Variants in SNX31 observed in about 807,000 individuals in gnomAD.
SNX31 encodes sorting nexin-31.
In SNX31, 58 loss-of-function variants were observed where a neutral mutation model predicts 65.4. That is an observed-to-expected ratio of 0.89 (90% CI 0.72 to 1.10). The LOEUF (loss-of-function observed/expected upper bound fraction) is 1.10, where lower values mean the gene tolerates loss of function less well. SNX31 is among the 50% of genes least tolerant of loss of function. SNX31 has a pLI of 0.00. For synonymous variants in SNX31, 181 were observed against 190.1 expected, an observed-to-expected ratio of 0.95 and a Z score of 0.39; for missense variants, 523 against 529.7, an observed-to-expected ratio of 0.99 and a Z score of 0.12.
At chr8:100,596,005 T>A (rs1352691832) in intron 10 of SNX31, among the ~76,000 whole-genome samples, 3 of 152,192 alleles carry the variant, frequency 2.0e-5, no homozygotes, top group Non-Finnish European at 2.9e-5. Context: ...AGGTCAAGTA[T>A]GAGCCCAGCT....
chr8:100,658,500 A>G (rs1809708458), intron 1 of SNX31, among the ~76,000 whole-genome samples: 1 of 152,248 alleles, frequency 6.6e-6, no homozygotes, highest in Non-Finnish European at 1.5e-5. Context: ...GTTTACATGT[A>G]GTGGGTACTT....
At chr8:100,606,571 T>C (rs966431085) in intron 8 of SNX31, among the ~76,000 whole-genome samples, 12 of 152,166 alleles carry the variant, frequency 7.9e-5, no homozygotes, top group Admixed American at 6.5e-4. Flanking sequence ...AATCCACCCA[T>C]TGACCTTTTT....
In SNX31 at chr8:100,613,293, TA is replaced by T. The variant is rs1414016173; in HGVS notation, c.433-209del. Among the ~76,000 whole-genome samples, 1 of 151,978 alleles carries T rather than the reference TA, an allele frequency of 6.6e-6. No homozygotes were observed. The highest frequency in any genetic ancestry group is 1.5e-5 in the Non-Finnish European group (1 of 67,966). On this transcript the variant is annotated intron_variant, in intron 5 of 13. Coordinates refer to ENST00000311812, the MANE Select transcript of SNX31 (RefSeq NM_152628.4). This position sits in a 1 kb window ranked among gnomAD's most constrained non-coding sequence, Gnocchi z 5.2. ...CACAAAAAAATTAGAATAAAGAAAA[TA>T]AAAATCAGCCCCACCACAATGGACA...
At chr8:100,641,565 A>AAAAAAAAAAAATATATAT (rs1554587369) in intron 2 of SNX31, among the ~76,000 whole-genome samples, 1 of 32,108 alleles carries the variant, frequency 3.1e-5, no homozygotes, top group Non-Finnish European at 5.3e-5. Flanking sequence ...AAAAAAAAAA[A>AAAAAAAAAAAATATATAT]ATATATATAT....
In SNX31 at chr8:100,655,211, A is replaced by T. The variant is rs12545565; in HGVS notation, c.-58+7931T>A. Reference sequence around the variant, plus strand: ...AGCAGGCATGAAGGGAGGAGCAGGGAGGGAAAGGCTTTCTGGAGAAGGTGA... The same window carrying T: ...AGCAGGCATGAAGGGAGGAGCAGGGTGGGAAAGGCTTTCTGGAGAAGGTGA... On this transcript the variant is annotated intron_variant, in intron 1 of 5. Transcript: ENST00000520352. Among the ~76,000 whole-genome samples, 6 of 152,100 alleles carry T rather than the reference A, an allele frequency of 3.9e-5. No homozygotes were observed. The South Asian group carries it at 1.2e-3, about 32-fold the overall frequency.
At chr8:100,642,020 A>G (rs922506335) in intron 2 of SNX31, among the ~76,000 whole-genome samples, 3 of 152,108 alleles carry the variant, frequency 2.0e-5, no homozygotes, top group African/African-American at 7.2e-5. Flanking sequence ...CGGAGCTTGC[A>G]GTGAGCCGAG....
At chr8:100,650,472 G>C (rs1009248820), upstream of SNX31, among the ~76,000 whole-genome samples, 1 of 152,138 alleles carries the variant, frequency 6.6e-6, no homozygotes, top group Non-Finnish European at 1.5e-5. Flanking sequence ...GGTCTGAGTC[G>C]TTTACTGCAG....
In SNX31 at chr8:100,624,735, TG is replaced by T. The variant is rs1171295776; in HGVS notation, c.321+5591del. On this transcript the variant is annotated intron_variant, in intron 4 of 13. Transcript: ENST00000311812. ...ATGTAAACGCAATACAAAAACCAGCTGGGGGGAAAAGTCAACCTGGTAGAAT... is the reference window on the plus strand; with the variant it reads ...ATGTAAACGCAATACAAAAACCAGCTGGGGGAAAAGTCAACCTGGTAGAAT... Among the ~76,000 whole-genome samples the T allele has an allele frequency of 3.3e-5, 5 of 152,148 alleles. No homozygotes were observed. The South Asian group carries it at 8.3e-4, about 25-fold the overall frequency.
chr8:100,616,376 C>A (rs1817203389), intron 5 of SNX31, among the ~76,000 whole-genome samples: 1 of 152,188 alleles, frequency 6.6e-6, no homozygotes, highest in Non-Finnish European at 1.5e-5. Flanking sequence ...TCTGATCCTG[C>A]AGCTGTACCC....
intron 12 of SNX31, among the ~76,000 whole-genome samples, chr8:100,580,992 T>G (rs1221230703): frequency 6.6e-6 from 1 of 151,956 alleles, no homozygotes; most frequent in African/African-American, 2.4e-5. Context: ...TCTTCCAGTT[T>G]ATGGTTAATA....
rs1228914749 is a variant in SNX31, at chr8:100,594,147, A to G, written c.978+2492T>C. On this transcript the variant is annotated intron_variant, in intron 10 of 13. Transcript: ENST00000311812. The surrounding 1 kb of genome is among the most constrained non-coding windows in gnomAD (Gnocchi z 4.0). ...GTGAAACCTCATCTCTACTAAAAATACAAAAAATTAGCCCTGCCTGGTGGT... is the reference window on the plus strand; with the variant it reads ...GTGAAACCTCATCTCTACTAAAAATGCAAAAAATTAGCCCTGCCTGGTGGT... 6.6e-6 allele frequency among the ~76,000 whole-genome samples: 1 copy of G among 152,104 alleles called. No individual in the cohort carries two copies. The highest frequency in any genetic ancestry group is 2.4e-5 in the African/African-American group (1 of 41,426).
chr8:100,653,529 T>C (rs1820008674), upstream of SNX31, among the ~76,000 whole-genome samples: 1 of 151,868 alleles, frequency 6.6e-6, no homozygotes, highest in Non-Finnish European at 1.5e-5. Context: ...AGAGCTGGAG[T>C]TGTGCTTCCA....
intron 2 of SNX31, among the ~76,000 whole-genome samples, chr8:100,644,646 C>T (rs1819504238): frequency 6.6e-6 from 1 of 152,118 alleles, no homozygotes; most frequent in South Asian, 2.1e-4. Context: ...CCACCTCTTC[C>T]CAAGGTCCAG....
intron 12 of SNX31, 57 bp from the exon 13 acceptor site, chr8:100,577,132 A>G: frequency 6.9e-7 from 1 of 1,438,966 alleles, no homozygotes; most frequent in Non-Finnish European, 9.7e-7. Context: ...GCACACAAAC[A>G]ATCTATTTAA....
chr8:100,605,340 C>T (rs1387896129), intron 8 of SNX31, among the ~76,000 whole-genome samples: 2 of 152,066 alleles, frequency 1.3e-5, no homozygotes, highest in Non-Finnish European at 2.9e-5. Flanking sequence ...GGCAGGCCTC[C>T]CAAAAGAGGC....
chr8:100,657,219 G>A (rs533538956), intron 1 of SNX31, among the ~76,000 whole-genome samples: 19 of 152,238 alleles, frequency 1.2e-4, no homozygotes, highest in African/African-American at 3.6e-4. Context: ...TTGGGAGGCC[G>A]AGGCAGGCGG....
chr8:100,599,061 CAAAT>C (rs1274203392), intron 9 of SNX31, among the ~76,000 whole-genome samples: 1 of 152,120 alleles, frequency 6.6e-6, no homozygotes, highest in Non-Finnish European at 1.5e-5. Flanking sequence ...ACTTGACAAA[CAAAT>C]AATGTTGGTT....
At chr8:100,649,781 C>A (rs905877239), upstream of SNX31, 20 of 411,194 alleles carry the variant, frequency 4.9e-5, no homozygotes, top group East Asian at 6.7e-4. Flanking sequence ...CGGCCACCCC[C>A]ACCCCGGACA....
intron 11 of SNX31, among the ~76,000 whole-genome samples, chr8:100,585,142 T>C (rs1218458180): frequency 6.6e-6 from 1 of 152,228 alleles, no homozygotes. Flanking sequence ...TACAACTTGC[T>C]ACACAAAAGC....
Sources: gnomAD v4.1 joint callset for allele counts (sites outside exome capture counted in the v4.1 genomes callset) on GRCh38, gnomAD v4.1.1 for gene constraint, Gnocchi (gnomAD v3.1) non-coding constraint, MANE v1.5 for transcripts, NCBI Gene and HGNC (gene_info 2026-07-23, HGNC 2026-07-21) for gene names.